Variants in TNKS2 observed in about 807,000 individuals in gnomAD.
TNKS2 encodes the protein poly [ADP-ribose] polymerase tankyrase-2.
In TNKS2, 72 loss-of-function variants were observed where a neutral mutation model predicts 137.6. That is an observed-to-expected ratio of 0.52 (90% confidence interval 0.43 to 0.64). TNKS2 has a LOEUF of 0.64. TNKS2 is among the 30% of genes least tolerant of loss of function. The pLI is 0.00. For missense variants in TNKS2, 1,049 were observed against 1,410.2 expected (o/e 0.74, Z 4.10); for synonymous variants, 516 against 512.1 (o/e 1.01, Z -0.10).
chr10:91,848,497 C>CT lies in TNKS2; in HGVS notation c.2474dup (p.Ser826LeufsTer6). On this transcript the variant is annotated frameshift_variant, in exon 19 of 27. Coordinates refer to ENST00000371627, the MANE Select transcript of TNKS2 (RefSeq NM_025235.4). LOFTEE classifies it high-confidence loss of function. The stretch of plus-strand genomic sequence containing the variant: ...AAGCCCAGGAGCCACTGCAGATGCT[C>CT]TCTCTTCAGGTCCATCTAGCCCATC... 6.2e-7 allele frequency: 1 copy of CT among 1,614,148 alleles called. No homozygotes were observed. The highest frequency in any genetic ancestry group is 8.5e-7 in the Non-Finnish European group (1 of 1,180,030).
At chr10:91,835,895 A>G (rs908278215) in intron 12 of TNKS2, among the ~76,000 whole-genome samples, 11 of 151,684 alleles carry the variant, frequency 7.3e-5, no homozygotes, top group East Asian at 5.8e-4. Flanking sequence ...GGCATGAGCC[A>G]CCACGCCCAG....
rs1842805446 is a variant in TNKS2, at chr10:91,859,783, C to T, written c.3281+135C>T. On this transcript the variant is annotated intron_variant, in intron 25 of 26. Coordinates refer to ENST00000371627, the MANE Select transcript of TNKS2 (RefSeq NM_025235.4). ...TGTTTTAGATTGCTTTTGGCCCTCT[C>T]ACCAATTGTAATAATAGCTAATATT... The T allele has an allele frequency of 1.2e-5, 7 of 607,174 alleles. No individual in the cohort carries two copies. The South Asian group carries it at 1.9e-4, about 17-fold the overall frequency. The allele number at this position is 607,174 out of a possible 1,614,324, so 37.6% of individuals were successfully genotyped here.
intron 12 of TNKS2, among the ~76,000 whole-genome samples, chr10:91,835,796 C>T (rs1841994882): frequency 6.7e-6 from 1 of 149,964 alleles, no homozygotes; most frequent in African/African-American, 2.5e-5. Flanking sequence ...TTAGTAGTTA[C>T]GGGGTTTTAC....
intron 6 of TNKS2, among the ~76,000 whole-genome samples, chr10:91,820,635 T>C (rs1844856707): frequency 6.6e-6 from 1 of 152,234 alleles, no homozygotes; most frequent in Non-Finnish European, 1.5e-5. Context: ...AAGTTCACCC[T>C]GTGATCTGAA....
intron 9 of TNKS2, among the ~76,000 whole-genome samples, chr10:91,830,034 A>T (rs1375946974): frequency 6.6e-6 from 1 of 152,182 alleles, no homozygotes; most frequent in Non-Finnish European, 1.5e-5. Context: ...TACATCATAG[A>T]TAGAGATGCT....
At chr10:91,836,029 G>GTAATTTTT (rs1842003936) in intron 12 of TNKS2, among the ~76,000 whole-genome samples, 1 of 88,432 alleles carries the variant, frequency 1.1e-5, no homozygotes, top group Non-Finnish European at 2.2e-5. Context: ...GTGTGTGTGT[G>GTAATTTTT]TGTAATTTTT....
rs1589690705 is a variant in TNKS2, at chr10:91,851,302, T to G, written c.2781T>G (p.Ile927Met). Residue 927 changes from isoleucine to methionine, a missense_variant, in exon 21 of 27, where the codon ATT becomes ATG. Physicochemically the swap from Ile to Met is conservative, Grantham distance 10 (BLOSUM62 1). Transcript: ENST00000371627. ...CTTATGGACATAGGCACAAACTAAT[T>G]AAAGGAGTCGAGAGACTTATCTCCG... ...INAYGHRHKL[I>M]KGVERLISGQ... is the part of the protein sequence containing the mutation. 3 of 1,608,346 alleles carry G rather than the reference T, an allele frequency of 1.9e-6. No individual in the cohort carries two copies.
intron 25 of TNKS2, among the ~76,000 whole-genome samples, chr10:91,860,781 A>G (rs531294679): frequency 1.3e-5 from 2 of 152,296 alleles, no homozygotes; most frequent in East Asian, 3.9e-4. Context: ...TTAGGCCTGC[A>G]TAGGTAGTAC....
At chr10:91,853,051 CGTT>C in intron 21 of TNKS2, among the ~76,000 whole-genome samples, 1 of 152,240 alleles carries the variant, frequency 6.6e-6, no homozygotes, top group Non-Finnish European at 1.5e-5. Flanking sequence ...TGTAGACCAT[CGTT>C]GTAACTCTAC....
At chr10:91,815,486 C>CAAATAG (rs59439298) in intron 2 of TNKS2, among the ~76,000 whole-genome samples, 1 of 151,222 alleles carries the variant, frequency 6.6e-6, no homozygotes, top group African/African-American at 2.4e-5. Context: ...TAGAGTTTTC[C>CAAATAG]AGTTATAATC....
chr10:91,798,764 C>G lies in TNKS2; in HGVS notation c.74C>G (p.Ala25Gly). The change falls in exon 1 of 27, where the codon GCC (alanine) becomes GGC (glycine). Residue 25 changes from alanine (A) to glycine (G), a missense_variant. This residue lies in a region of TNKS2 where 374 missense variants were observed against 460.8 expected (regional missense o/e 0.81). Transcript: ENST00000371627. Reference protein sequence around the residue: ...SAAAEAVEPAARELFEACRNG... With the variant: ...SAAAEAVEPAGRELFEACRNG... ...GCGGCCGAGGCCGTGGAGCCGGCCGCCCGAGAGCTGTTCGAGGCGTGCCGC... is the reference window on the plus strand; with the variant it reads ...GCGGCCGAGGCCGTGGAGCCGGCCGGCCGAGAGCTGTTCGAGGCGTGCCGC... 7.9e-7 allele frequency: 1 copy of G among 1,265,530 alleles called. No individual in the cohort carries two copies. The highest frequency in any genetic ancestry group is 3.1e-5 in the East Asian group (1 of 31,852). The allele number at this position is 1,265,530 out of a possible 1,614,324, so 78.4% of individuals were successfully genotyped here. A position where few individuals can be genotyped will look rare whatever the true frequency, so the allele number is the denominator to read the frequency against.
At chr10:91,844,457 T>G (rs1842304630) in intron 16 of TNKS2, among the ~76,000 whole-genome samples, 1 of 152,166 alleles carries the variant, frequency 6.6e-6, no homozygotes, top group African/African-American at 2.4e-5. Context: ...TCTTGTGGCC[T>G]TCTGGGGAAG....
At chr10:91,833,249 T>G (rs550070757) in intron 11 of TNKS2, among the ~76,000 whole-genome samples, 16 of 152,296 alleles carry the variant, frequency 1.1e-4, no homozygotes, top group African/African-American at 3.8e-4. Flanking sequence ...TAAAAGTGCG[T>G]TCTAGGCCTT....
At chr10:91,843,210 AC>A (rs1842268507) in intron 16 of TNKS2, among the ~76,000 whole-genome samples, 1 of 152,200 alleles carries the variant, frequency 6.6e-6, no homozygotes, top group South Asian at 2.1e-4. Context: ...GGTGGCTTAA[AC>A]AACAGAAATT....
At chr10:91,809,942 T>C (rs1844445433) in intron 1 of TNKS2, among the ~76,000 whole-genome samples, 1 of 152,136 alleles carries the variant, frequency 6.6e-6, no homozygotes, top group African/African-American at 2.4e-5. Context: ...TGGGTCTTTG[T>C]GAGGGGAAGA....
chr10:91,826,206 A>C (rs549963854), intron 7 of TNKS2, among the ~76,000 whole-genome samples: 1 of 152,204 alleles, frequency 6.6e-6, no homozygotes, highest in South Asian at 2.1e-4. Flanking sequence ...ATTTTTAATA[A>C]TTTTGTGCAC....
chr10:91,849,386 A>G, intron 19 of TNKS2, 126 bp from the exon 20 acceptor site: 1 of 669,836 alleles, frequency 1.5e-6, no homozygotes, highest in Non-Finnish European at 2.4e-6. Flanking sequence ...TCAGTATTAT[A>G]TCCTAAGTGG....
intron 12 of TNKS2, among the ~76,000 whole-genome samples, chr10:91,835,592 C>CTTTTTTTTTTTTTTTTTTTTT (rs35247985): frequency 2.7e-5 from 3 of 109,424 alleles, no homozygotes; most frequent in Non-Finnish European, 3.7e-5. Context: ...CCCGGCCTTT[C>CTTTTTTTTTTTTTTTTTTTTT]TTTTTTTTTT....
intron 21 of TNKS2, among the ~76,000 whole-genome samples, chr10:91,853,185 A>G (rs973465258): frequency 4.6e-5 from 7 of 152,196 alleles, no homozygotes; most frequent in African/African-American, 1.2e-4. Context: ...TAAACATATC[A>G]TAGCTATTAG....
Sources: gnomAD v4.1 joint callset for allele counts (sites outside exome capture counted in the v4.1 genomes callset) on GRCh38, gnomAD v4.1.1 for gene constraint, gnomAD v4.1.1 regional missense constraint, MANE v1.5 for transcripts, NCBI Gene and HGNC (gene_info 2026-07-23, HGNC 2026-07-21) for gene names.